The following SEC14L1 variants were observed in gnomAD, a reference collection of about 807,000 sequenced individuals.
SEC14L1 encodes the protein SEC14 like lipid binding 1, also known as SEC14-like protein 1.
SEC14L1 carries 48 observed loss-of-function variants against 85.3 expected under a neutral mutation model. That is an observed-to-expected ratio of 0.56 (90% CI 0.45 to 0.72). The LOEUF (loss-of-function observed/expected upper bound fraction) is 0.72. Among genes scored for constraint, SEC14L1 ranks in the 30% least tolerant of loss-of-function variants. The probability of loss-of-function intolerance (pLI) is 0.00; values close to 1 mark genes in which losing one functional copy is unlikely to be tolerated. For synonymous variants in SEC14L1, 391 were observed against 355.5 expected, an observed-to-expected ratio of 1.10 and a Z score of -1.12; for missense variants, 682 against 921.4, an observed-to-expected ratio of 0.74 and a Z score of 3.36.
rs116039025 is a variant in SEC14L1 at position 77,206,636 on chromosome 17, C to T, written c.1342-92C>T. The T allele has an allele frequency of 1.1e-4, 156 of 1,445,564 alleles. No individual in the cohort carries two copies. The highest frequency in any genetic ancestry group is 1.4e-4 in the Non-Finnish European group (147 of 1,060,446). The allele number at this position is 1,445,564 out of a possible 1,614,324, so 89.5% of individuals were successfully genotyped here. A position where few individuals can be genotyped will look rare whatever the true frequency, so the allele number is the denominator to read the frequency against. ...TATATAAACTTGAATGTCTTCCCCC[C>T]ACCCTCCCACTCAGAATACCACATT... On this transcript the variant is annotated intron_variant, in intron 12 of 16. Coordinates refer to ENST00000436233, the MANE Select transcript of SEC14L1 (RefSeq NM_001143998.2). This position sits in a 1 kb window ranked among gnomAD's most constrained non-coding sequence, Gnocchi z 4.3.
intron 3 of SEC14L1, among the ~76,000 whole-genome samples, chr17:77,155,357 A>G (rs55972072): frequency 0.053 from 8,027 of 152,116 alleles, 325 homozygotes; most frequent in Admixed American, 0.12. Flanking sequence ...TAAAAACCAA[A>G]CCAATAAAAC....
At chr17:77,151,642 A>G (rs1409069362) in intron 3 of SEC14L1, among the ~76,000 whole-genome samples, 1 of 152,226 alleles carries the variant, frequency 6.6e-6, no homozygotes, top group African/African-American at 2.4e-5. Context: ...GAAAATTTCA[A>G]GCATACACAG....
intron 3 of SEC14L1, among the ~76,000 whole-genome samples, chr17:77,096,328 A>G (rs1329645635): frequency 7.1e-6 from 1 of 140,334 alleles, no homozygotes; most frequent in Non-Finnish European, 1.6e-5. Context: ...GGGCCAAGGC[A>G]GGCGGATCAC....
chr17:77,130,075 G>A (rs1972568278), intron 3 of SEC14L1: 1 of 152,166 alleles, frequency 6.6e-6, no homozygotes, highest in South Asian at 2.1e-4. Flanking sequence ...AAGGCTTGGT[G>A]GCGCTCCTTT....
At chr17:77,205,878 T>A (rs1421463798) in intron 11 of SEC14L1, among the ~76,000 whole-genome samples, 6 of 152,284 alleles carry the variant, frequency 3.9e-5, no homozygotes, top group Non-Finnish European at 5.9e-5. Context: ...TGTGTTAAAA[T>A]ACCAGCTGTG....
Position 77,157,731 on chromosome 17 carries a change from T to C in SEC14L1, c.63+14072T>C, listed in dbSNP as rs144525032. Among the ~76,000 whole-genome samples the C allele has an allele frequency of 5.3e-5, 8 of 152,318 alleles. No homozygotes were observed. The East Asian group carries it at 1.5e-3, about 29-fold the overall frequency. On this transcript the variant is annotated intron_variant, in intron 3 of 16. Transcript: ENST00000436233. ...TTAGTAGAGACGGGGTTTCACCATG[T>C]TGGTCAGGCTGGTCCCAAACTCCTG...
chr17:77,162,936 A>G (rs936125214), intron 3 of SEC14L1, among the ~76,000 whole-genome samples: 51 of 152,318 alleles, frequency 3.3e-4, no homozygotes, highest in Non-Finnish European at 7.1e-4. Flanking sequence ...CTAAAACTAT[A>G]TCATGTTTTT....
chr17:77,112,236 G>A (rs1377031674), intron 3 of SEC14L1, among the ~76,000 whole-genome samples: 1 of 152,076 alleles, frequency 6.6e-6, no homozygotes, highest in Non-Finnish European at 1.5e-5. Context: ...AGCCATGCAG[G>A]ACTGTGAGTC....
At chr17:77,205,535 G>A (rs1213872391) in intron 11 of SEC14L1, among the ~76,000 whole-genome samples, 189 bp downstream of exon 11, 2 of 152,212 alleles carry the variant, frequency 1.3e-5, no homozygotes, top group African/African-American at 4.8e-5. Context: ...AGGCATTGCT[G>A]TGACGTCAGC....
At chr17:77,119,864 T>C (rs2143396795) in intron 3 of SEC14L1, among the ~76,000 whole-genome samples, 1 of 152,302 alleles carries the variant, frequency 6.6e-6, no homozygotes, top group Non-Finnish European at 1.5e-5. Flanking sequence ...AAATACATTC[T>C]GAACCAATGC....
chr17:77,214,691 C>T lies in SEC14L1; in HGVS notation c.*668C>T, dbSNP rs1391358564. The stretch of plus-strand genomic sequence containing the variant: ...GGTGACTCCAGGAAAATGCTGCCAT[C>T]GTTAAACATTACTTTCTCTTTCCTC... On this transcript the variant is annotated 3_prime_UTR_variant, in exon 17 of 17. Transcript: ENST00000436233. 33 of 985,430 alleles carry T rather than the reference C, an allele frequency of 3.3e-5. No individual in the cohort carries two copies. The highest frequency in any genetic ancestry group is 4.0e-5 in the Non-Finnish European group (33 of 830,010). 61.0% of individuals were successfully genotyped at this position (985,430 alleles called of 1,614,324 possible).
intron 2 of SEC14L1, among the ~76,000 whole-genome samples, chr17:77,090,712 G>A (rs1971491676): frequency 6.6e-6 from 1 of 152,004 alleles, no homozygotes; most frequent in Admixed American, 6.6e-5. Context: ...GTGAAGAGCT[G>A]GGCGCGGTGG....
At chr17:77,195,306 GT>G (rs141600588) in intron 7 of SEC14L1, among the ~76,000 whole-genome samples, 1 of 146,320 alleles carries the variant, frequency 6.8e-6, no homozygotes, top group African/African-American at 2.5e-5. Context: ...TAAGGAAGGT[GT>G]TTTTTTTTGT....
chr17:77,213,698 C>T lies in SEC14L1; in HGVS notation c.2042+206C>T. The T allele has an allele frequency of 2.3e-6, 2 of 856,234 alleles. No homozygotes were observed. Among genetic ancestry groups the T allele is most frequent in the Admixed American group, 4.0e-5 (2 of 50,234 alleles). 53.0% of individuals were successfully genotyped at this position (856,234 alleles called of 1,614,324 possible). A position where few individuals can be genotyped will look rare whatever the true frequency, so the allele number is the denominator to read the frequency against. ...GGGAGAGTGTCGGAGACAGAGCCGA[C>T]TGACTGCCTTTGCTTTAGCTCACAC... On this transcript the variant is annotated intron_variant, in intron 16 of 16. Coordinates refer to ENST00000436233, the MANE Select transcript of SEC14L1 (RefSeq NM_001143998.2). This position sits in a 1 kb window ranked among gnomAD's most constrained non-coding sequence, Gnocchi z 7.1.
chr17:77,109,182 G>T (rs1252411033), intron 3 of SEC14L1, among the ~76,000 whole-genome samples: 4 of 152,044 alleles, frequency 2.6e-5, no homozygotes, highest in Non-Finnish European at 5.9e-5. Context: ...AAAGCATATT[G>T]GTCATTTCAA....
At chr17:77,211,856 C>G (rs1044270072) in intron 14 of SEC14L1, 94 bp from the exon 15 acceptor site, 1 of 1,520,582 alleles carries the variant, frequency 6.6e-7, no homozygotes. Context: ...GCTTCAGCAC[C>G]TGCACCCTGG....
chr17:77,175,982 A>G (rs1158587132), intron 3 of SEC14L1, among the ~76,000 whole-genome samples: 4 of 152,200 alleles, frequency 2.6e-5, no homozygotes, highest in Non-Finnish European at 5.9e-5. Context: ...AAAGGTGGGC[A>G]TGATAGTGTA....
chr17:77,212,912 G>A (rs78978757), intron 15 of SEC14L1, among the ~76,000 whole-genome samples: 2,663 of 152,308 alleles, frequency 0.017, 75 homozygotes, highest in African/African-American at 0.061. Context: ...TTAGGGTGAC[G>A]TGCCTTCAGC....
chr17:77,127,236 G>A lies in SEC14L1; in HGVS notation c.-135-15410G>A, dbSNP rs560136443. On this transcript the variant is annotated intron_variant, in intron 3 of 19. Coordinates refer to the SEC14L1 transcript ENST00000392476. The stretch of plus-strand genomic sequence containing the variant: ...CCACTTATGAGTGAGAACATGCGGT[G>A]TATGGTTTTCTGTTCCTGGGTTAGT... 1.1e-4 allele frequency among the ~76,000 whole-genome samples: 17 copies of A among 152,142 alleles called. 1 individual carries two copies. Among genetic ancestry groups the A allele is most frequent in the Non-Finnish European group, 1.9e-4 (13 of 68,012 alleles).
Sources: allele counts gnomAD v4.1 joint callset (sites outside exome capture counted in the v4.1 genomes callset), GRCh38; gene constraint gnomAD v4.1.1; non-coding constraint Gnocchi (gnomAD v3.1); transcripts MANE v1.5; gene names NCBI Gene and HGNC (gene_info 2026-07-23, HGNC 2026-07-21).